The following CLSTN2 variants were observed in gnomAD, a reference collection of about 807,000 sequenced individuals.
The protein encoded by CLSTN2 is calsyntenin-2.
CLSTN2 carries 48 observed loss-of-function variants against 101.2 expected under a neutral mutation model. That is an observed-to-expected ratio of 0.47 (90% confidence interval 0.38 to 0.60). The LOEUF (loss-of-function observed/expected upper bound fraction) is 0.60. CLSTN2 is among the 20% of genes least tolerant of loss of function. The pLI, the probability that CLSTN2 is intolerant of heterozygous loss-of-function variation, is 0.00. For synonymous variants in CLSTN2, 481 were observed against 463.6 expected (o/e 1.04, Z -0.48); for missense variants, 1,160 against 1,238.2 (o/e 0.94, Z 0.95).
intron 1 of CLSTN2, among the ~76,000 whole-genome samples, chr3:140,031,587 A>G: frequency 6.6e-6 from 1 of 152,184 alleles, no homozygotes; most frequent in Non-Finnish European, 1.5e-5. Flanking sequence ...TATTTTGGAG[A>G]TACATCCTAG....
rs995143590 is a variant in CLSTN2, at chr3:140,046,653, G to A, written c.109+111170G>A. ...GCATGTTTTTGCAGTGGCTGGTACC[G>A]GTTGTTCCTTTCCATGTTTAGGGCT... On this transcript the variant is annotated intron_variant, in intron 1 of 16. Transcript: ENST00000458420. Among the ~76,000 whole-genome samples, 25 of 152,252 alleles carry A rather than the reference G, an allele frequency of 1.6e-4. No homozygotes were observed. In the Middle Eastern group the frequency reaches 0.01, roughly 63 times the overall value.
At chr3:139,988,293 AG>A (rs1351530417) in intron 1 of CLSTN2, among the ~76,000 whole-genome samples, 1 of 152,158 alleles carries the variant, frequency 6.6e-6, no homozygotes, top group Non-Finnish European at 1.5e-5. Context: ...ACAAGAAACA[AG>A]GGGGAAAAAC....
chr3:140,551,858 C>G, intron 10 of CLSTN2, among the ~76,000 whole-genome samples: 1 of 149,080 alleles, frequency 6.7e-6, no homozygotes, highest in Admixed American at 6.7e-5. Context: ...TTAGTGTATA[C>G]ATAATATATA....
At chr3:140,329,428 G>A (rs1051704670) in intron 2 of CLSTN2, among the ~76,000 whole-genome samples, 4 of 152,058 alleles carry the variant, frequency 2.6e-5, no homozygotes, top group South Asian at 2.1e-4. Context: ...TTGACTTTAC[G>A]ACTTTGTGTT....
intron 1 of CLSTN2, among the ~76,000 whole-genome samples, chr3:140,152,105 G>C (rs977937962): frequency 6.6e-6 from 1 of 152,116 alleles, no homozygotes; most frequent in Non-Finnish European, 1.5e-5. Context: ...ACATCTGTTA[G>C]ATTAGCTATT....
At chr3:140,037,797 T>C (rs1338748053) in intron 1 of CLSTN2, among the ~76,000 whole-genome samples, 1 of 152,206 alleles carries the variant, frequency 6.6e-6, no homozygotes, top group African/African-American at 2.4e-5. Flanking sequence ...ACATGTGGTG[T>C]TTGGTTTTTT....
At chr3:140,515,270 T>C (rs953820817) in intron 8 of CLSTN2, among the ~76,000 whole-genome samples, 5 of 152,134 alleles carry the variant, frequency 3.3e-5, no homozygotes, top group African/African-American at 1.2e-4. Flanking sequence ...TGGTTAATCT[T>C]ACTAATTGTC....
chr3:140,228,330 G>A (rs2086341194), intron 2 of CLSTN2, among the ~76,000 whole-genome samples: 1 of 152,256 alleles, frequency 6.6e-6, no homozygotes, highest in East Asian at 1.9e-4. Flanking sequence ...AACATAACAA[G>A]AGTCACCTTT....
At chr3:140,058,830 G>A (rs981656002) in intron 1 of CLSTN2, among the ~76,000 whole-genome samples, 2 of 152,070 alleles carry the variant, frequency 1.3e-5, no homozygotes, top group African/African-American at 2.4e-5. Context: ...AAGGTGAGAG[G>A]GGGTAGGTGG....
chr3:140,108,323 C>A (rs796240170), intron 1 of CLSTN2, among the ~76,000 whole-genome samples: 8 of 152,246 alleles, frequency 5.3e-5, no homozygotes, highest in African/African-American at 1.9e-4. Flanking sequence ...ATATCACATG[C>A]AATTACTTAG....
intron 2 of CLSTN2, among the ~76,000 whole-genome samples, chr3:140,372,352 C>G (rs529739351): frequency 6.6e-6 from 1 of 152,314 alleles, no homozygotes; most frequent in African/African-American, 2.4e-5. Context: ...GCTCCCTGGC[C>G]TTTGCTCATG....
chr3:139,945,591 C>A (rs1296378865), intron 1 of CLSTN2, among the ~76,000 whole-genome samples: 2 of 152,134 alleles, frequency 1.3e-5, no homozygotes, highest in Non-Finnish European at 2.9e-5. Context: ...CTGGTAGTCA[C>A]CATGGTTACA....
At chr3:140,306,372 T>G (rs889457354) in intron 2 of CLSTN2, among the ~76,000 whole-genome samples, 2 of 151,912 alleles carry the variant, frequency 1.3e-5, no homozygotes, top group Non-Finnish European at 2.9e-5. Flanking sequence ...TCCCACAGCA[T>G]CGTAATTCTA....
At chr3:140,259,005 A>G (rs555222781) in intron 2 of CLSTN2, among the ~76,000 whole-genome samples, 139 of 152,308 alleles carry the variant, frequency 9.1e-4, no homozygotes, top group African/African-American at 3.2e-3. Flanking sequence ...ATACATGGAC[A>G]TATTTTTGGC....
At chr3:140,414,302 G>C (rs899101796) in intron 4 of CLSTN2, among the ~76,000 whole-genome samples, 8 of 151,796 alleles carry the variant, frequency 5.3e-5, no homozygotes, top group Admixed American at 5.3e-4. Flanking sequence ...AGCATCAAAA[G>C]AAATAAAATA....
chr3:140,122,342 C>A (rs1294539709), intron 1 of CLSTN2, among the ~76,000 whole-genome samples: 2 of 152,176 alleles, frequency 1.3e-5, no homozygotes, highest in Non-Finnish European at 2.9e-5. Flanking sequence ...CTCTTCAAAG[C>A]TGGCAAAATG....
At chr3:140,092,574 C>T (rs1291783041) in intron 1 of CLSTN2, among the ~76,000 whole-genome samples, 3 of 152,130 alleles carry the variant, frequency 2.0e-5, no homozygotes, top group Non-Finnish European at 4.4e-5. Flanking sequence ...GACTGTGCTC[C>T]CAGCCACTGC....
At chr3:140,044,480 G>GACAA (rs1217814435) in intron 1 of CLSTN2, among the ~76,000 whole-genome samples, 1 of 152,128 alleles carries the variant, frequency 6.6e-6, no homozygotes, top group African/African-American at 2.4e-5. Flanking sequence ...TGCAAACAGG[G>GACAA]ACAATTTGAC....
intron 1 of CLSTN2, among the ~76,000 whole-genome samples, chr3:140,075,888 A>T (rs1432368171): frequency 1.3e-5 from 2 of 151,862 alleles, no homozygotes; most frequent in Non-Finnish European, 2.9e-5. Context: ...CCCTGCAGGT[A>T]TCTCTGCAGT....
Sources: allele counts gnomAD v4.1 joint callset (sites outside exome capture counted in the v4.1 genomes callset), GRCh38; gene constraint gnomAD v4.1.1; transcripts MANE v1.5; gene names NCBI Gene and HGNC (gene_info 2026-07-23, HGNC 2026-07-21).